COL13A1: variants seen among roughly 807,000 people sequenced by gnomAD.
COL13A1 encodes collagen type XIII alpha 1 chain.
COL13A1 carries 89 observed loss-of-function variants against 130.9 expected under a neutral mutation model. The observed-to-expected ratio is 0.68, with a 90% CI of 0.57 to 0.81. COL13A1 has a LOEUF of 0.81. Ranked by LOEUF, COL13A1 falls within the 30% of genes least tolerant of loss-of-function variation. COL13A1 has a pLI of 0.00. For missense variants in COL13A1, 879 were observed against 934.6 expected, an observed-to-expected ratio of 0.94 and a Z score of 0.78; for synonymous variants, 402 against 341.6, an observed-to-expected ratio of 1.18 and a Z score of -1.95.
In COL13A1 at chr10:69,947,343, G is replaced by A. The variant is rs749469530; in HGVS notation, c.2058+1G>A. The A allele has an allele frequency of 1.9e-6, 3 of 1,612,656 alleles. No homozygotes were observed. The highest frequency in any genetic ancestry group is 1.3e-5 in the African/African-American group (1 of 74,882). The stretch of plus-strand genomic sequence containing the variant: ...ACCACCCGGGGACAAGGGAAACCGG[G>A]TGAGTCTGAGCCCCTGCACTCGTGC... On this transcript the variant is annotated splice_donor_variant, in intron 38 of 40. Transcript: ENST00000645393. LOFTEE classifies it high-confidence loss of function.
chr10:69,936,767 T>C lies in COL13A1; in HGVS notation c.1782T>C (p.Gly594=). Reference sequence around the variant, plus strand: ...TATTCCAAATGCAGGGGCTCCAAGGTGTTCCTGGACCAAAGGTAAGGAGAA... The same window carrying C: ...TATTCCAAATGCAGGGGCTCCAAGGCGTTCCTGGACCAAAGGTAAGGAGAA... The part of the protein sequence containing the change: ...EGPPGPPGLQ[G]VPGPKGEAGL... Residue 594 remains glycine, a synonymous_variant, in exon 33 of 41, where the codon GGT becomes GGC. Coordinates refer to ENST00000645393, the MANE Select transcript of COL13A1 (RefSeq NM_001368882.1). 1 of 1,613,910 alleles carries C rather than the reference T, an allele frequency of 6.2e-7. No individual in the cohort carries two copies. The highest frequency in any genetic ancestry group is 1.1e-5 in the South Asian group (1 of 91,082).
chr10:69,859,730 G>A (rs1857450416), intron 2 of COL13A1, among the ~76,000 whole-genome samples: 1 of 152,242 alleles, frequency 6.6e-6, no homozygotes, highest in African/African-American at 2.4e-5. Flanking sequence ...TCCAGTCGCA[G>A]GTCACAAGGC....
chr10:69,942,844 G>C (rs1001898410), intron 35 of COL13A1, among the ~76,000 whole-genome samples: 3 of 152,134 alleles, frequency 2.0e-5, no homozygotes, highest in Admixed American at 2.0e-4. Flanking sequence ...CCACTGGCCC[G>C]AGCTGACTCC....
intron 7 of COL13A1, among the ~76,000 whole-genome samples, chr10:69,882,792 C>T (rs1057346455): frequency 6.6e-6 from 1 of 152,224 alleles, no homozygotes; most frequent in African/African-American, 2.4e-5. Flanking sequence ...GGAGTCTTAA[C>T]GAAGCCCAGC....
chr10:69,898,840 C>G (rs1177796931), intron 14 of COL13A1, 78 bp downstream of exon 14: 3 of 1,106,916 alleles, frequency 2.7e-6, no homozygotes, highest in Non-Finnish European at 3.9e-6. Flanking sequence ...GCAGACAAAG[C>G]CAGAACCTCT....
intron 12 of COL13A1, 102 bp downstream of exon 12, chr10:69,894,803 T>C: frequency 6.7e-7 from 1 of 1,500,860 alleles, no homozygotes; most frequent in South Asian, 1.1e-5. Context: ...CAGTTTTAAT[T>C]GACAGAACCA....
chr10:69,883,313 C>T (rs2060318519), intron 7 of COL13A1, among the ~76,000 whole-genome samples: 2 of 152,292 alleles, frequency 1.3e-5, no homozygotes, highest in African/African-American at 4.8e-5. Flanking sequence ...AAATGCCCTA[C>T]CTCAAAGTGT....
At chr10:69,944,291 C>A in intron 36 of COL13A1, 113 bp downstream of exon 36, 1 of 908,698 alleles carries the variant, frequency 1.1e-6, no homozygotes, top group Non-Finnish European at 1.8e-6. Flanking sequence ...TTCTCCTGGT[C>A]ATCCTCACAG....
At chr10:69,880,787 G>T (rs1166523016) in intron 7 of COL13A1, among the ~76,000 whole-genome samples, 1 of 152,218 alleles carries the variant, frequency 6.6e-6, no homozygotes, top group African/African-American at 2.4e-5. Context: ...TGAGGGACCT[G>T]CCCTCTAGCC....
At chr10:69,823,447 C>T (rs898844351) in intron 2 of COL13A1, among the ~76,000 whole-genome samples, 2 of 152,178 alleles carry the variant, frequency 1.3e-5, no homozygotes, top group South Asian at 4.1e-4. Context: ...TGGTCCGCTA[C>T]TGGCCTCTGC....
At chr10:69,855,065 C>T (rs7907056) in intron 2 of COL13A1, among the ~76,000 whole-genome samples, 8,057 of 152,246 alleles carry the variant, frequency 0.053, 309 homozygotes, top group African/African-American at 0.11. Flanking sequence ...TTGGGCAATC[C>T]GTGTAACCTA....
At chr10:69,839,608 C>T (rs1175514299) in intron 2 of COL13A1, among the ~76,000 whole-genome samples, 1 of 152,288 alleles carries the variant, frequency 6.6e-6, no homozygotes, top group East Asian at 1.9e-4. Context: ...GAACTTGTCA[C>T]AGCATAAAGC....
intron 2 of COL13A1, among the ~76,000 whole-genome samples, chr10:69,860,395 A>C (rs1857656027): frequency 1.3e-5 from 2 of 152,212 alleles, no homozygotes. Context: ...GCCAAGATAC[A>C]ATCTTCTTTA....
chr10:69,813,443 C>T (rs943294003), intron 1 of COL13A1, among the ~76,000 whole-genome samples: 1 of 152,160 alleles, frequency 6.6e-6, no homozygotes, highest in Non-Finnish European at 1.5e-5. Context: ...AACCATAGAG[C>T]CTGGGGCCAC....
At chr10:69,921,561 G>A (rs1001639188) in intron 21 of COL13A1, among the ~76,000 whole-genome samples, 5 of 152,350 alleles carry the variant, frequency 3.3e-5, no homozygotes, top group South Asian at 4.1e-4. Flanking sequence ...CCAGGAGACC[G>A]CCAGGATGGA....
chr10:69,811,448 G>A (rs1212579653), intron 1 of COL13A1, among the ~76,000 whole-genome samples: 1 of 152,216 alleles, frequency 6.6e-6, no homozygotes, highest in Non-Finnish European at 1.5e-5. Flanking sequence ...GGACAGGGAT[G>A]AAGAAAGGGG....
At chr10:69,894,957 C>T (rs1391477540) in intron 12 of COL13A1, among the ~76,000 whole-genome samples, 1 of 152,150 alleles carries the variant, frequency 6.6e-6, no homozygotes, top group Non-Finnish European at 1.5e-5. Context: ...CCTCTTCAGC[C>T]TCTTTCTGGG....
At chr10:69,861,984 G>T (rs1227472885) in intron 2 of COL13A1, among the ~76,000 whole-genome samples, 2 of 152,190 alleles carry the variant, frequency 1.3e-5, no homozygotes, top group Non-Finnish European at 2.9e-5. Context: ...CTTGGGGTAA[G>T]GTGGGGCTGC....
At chr10:69,850,252 G>T (rs192361689) in intron 2 of COL13A1, among the ~76,000 whole-genome samples, 15 of 150,978 alleles carry the variant, frequency 9.9e-5, no homozygotes. Flanking sequence ...AGTTTAGACT[G>T]TGCGACACAG....
Sources: gnomAD v4.1 joint callset for allele counts (sites outside exome capture counted in the v4.1 genomes callset) on GRCh38, gnomAD v4.1.1 for gene constraint, MANE v1.5 for transcripts, NCBI Gene and HGNC (gene_info 2026-07-23, HGNC 2026-07-21) for gene names.